The following FNBP4 variants were observed in gnomAD, a reference collection of about 807,000 sequenced individuals.
FNBP4 encodes formin-binding protein 4.
A neutral mutation model predicts 119.3 loss-of-function variants in FNBP4; 34 were observed. The ratio of observed to expected loss-of-function variants is 0.28; its 90% confidence interval spans 0.22 to 0.38. FNBP4 has a LOEUF of 0.38. Among genes scored for constraint, FNBP4 ranks in the 10% least tolerant of loss-of-function variants. The probability of loss-of-function intolerance (pLI) is 1.00; values close to 1 mark genes in which losing one functional copy is unlikely to be tolerated. For synonymous variants in FNBP4, 462 were observed against 430.6 expected (o/e 1.07, Z -0.90); for missense variants, 1,112 against 1,228.9 (o/e 0.90, Z 1.42).
At chr11:47,764,140 G>C (rs2135294017) in intron 2 of FNBP4, among the ~76,000 whole-genome samples, 1 of 152,286 alleles carries the variant, frequency 6.6e-6, no homozygotes, top group South Asian at 2.1e-4. Flanking sequence ...ATTTGAGACA[G>C]GTTCTTACGG....
At position 47,761,646 on chromosome 11, in the gene FNBP4, G is replaced by A. The variant is rs563289877; in HGVS notation, c.313+3624C>T. Among the ~76,000 whole-genome samples, 7 of 151,990 alleles carry A rather than the reference G, an allele frequency of 4.6e-5. No homozygotes were observed. The East Asian group carries it at 5.8e-4, about 13-fold the overall frequency. ...GAAACAAAATCAACAGGATGGTCAC[G>A]GTGGCTCACATCTATAATCCTAGCA... On this transcript the variant is annotated intron_variant, in intron 2 of 16. Coordinates refer to ENST00000263773, the MANE Select transcript of FNBP4 (RefSeq NM_015308.5).
chr11:47,729,813 A>G, intron 12 of FNBP4: 1 of 985,344 alleles, frequency 1.0e-6, no homozygotes, highest in Non-Finnish European at 1.2e-6. Flanking sequence ...ACTGTTGATT[A>G]TTGCTCTTAA....
intron 2 of FNBP4, among the ~76,000 whole-genome samples, chr11:47,760,770 G>A (rs2097632402): frequency 6.6e-6 from 1 of 151,986 alleles, no homozygotes; most frequent in Admixed American, 6.6e-5. Context: ...TCACCATGTT[G>A]CCAGGCTGGT....
In FNBP4 at chr11:47,744,179, CAATT is replaced by C. The variant is rs757094895; in HGVS notation, c.1246-20_1246-17del. 1.2e-6 allele frequency: 2 copies of C among 1,604,984 alleles called. No homozygotes were observed. Among genetic ancestry groups the C allele is most frequent in the Non-Finnish European group, 1.7e-6 (2 of 1,172,160 alleles). The stretch of plus-strand genomic sequence containing the variant: ...GCAACTCTGCCTACAAAGAACATGA[CAATT>C]AAGTTAGTGTCATTAACTGCTTATT... On this transcript the variant is annotated splice_polypyrimidine_tract_variant and intron_variant, in intron 7 of 16. Transcript: ENST00000263773.
chr11:47,741,527 A>G (rs1016995420), intron 8 of FNBP4, among the ~76,000 whole-genome samples: 1 of 151,792 alleles, frequency 6.6e-6, no homozygotes, highest in Non-Finnish European at 1.5e-5. Flanking sequence ...TTCTAAGAAT[A>G]TACCACAGGG....
chr11:47,764,909 C>G (rs1039032568), intron 2 of FNBP4, among the ~76,000 whole-genome samples: 5 of 152,106 alleles, frequency 3.3e-5, no homozygotes, highest in African/African-American at 1.2e-4. Context: ...AGATCAATTT[C>G]CAGGTCCACC....
intron 3 of FNBP4, among the ~76,000 whole-genome samples, chr11:47,753,462 T>C (rs2097608613): frequency 6.6e-6 from 1 of 151,946 alleles, no homozygotes; most frequent in Non-Finnish European, 1.5e-5. Flanking sequence ...AATACAAAAA[T>C]TAGCTGGATG....
Position 47,746,414 on chromosome 11 carries a change from TTA to T in FNBP4, c.907-22_907-21del, listed in dbSNP as rs1299650490. The T allele has an allele frequency of 6.5e-7, 1 of 1,547,020 alleles. No individual in the cohort carries two copies. Among genetic ancestry groups the T allele is most frequent in the Non-Finnish European group, 8.7e-7 (1 of 1,148,234 alleles). The stretch of plus-strand genomic sequence containing the variant: ...TACTTCCTATAAAGAACAAAATAAT[TTA>T]GTCTCATTTAATTCTGAAACAAATC... On this transcript the variant is annotated intron_variant, in intron 6 of 16. Coordinates refer to ENST00000263773, the MANE Select transcript of FNBP4 (RefSeq NM_015308.5).
At position 47,766,815 on chromosome 11, in the gene FNBP4, G is replaced by C. The variant is rs376124025; in HGVS notation, c.220+254C>G. Among the ~76,000 whole-genome samples, 25 of 152,260 alleles carry C rather than the reference G, an allele frequency of 1.6e-4. 7 individuals carry two copies. Among genetic ancestry groups the C allele is most frequent in the East Asian group, 3.9e-4 (2 of 5,166 alleles). On this transcript the variant is annotated intron_variant, in intron 1 of 16. Coordinates refer to ENST00000263773, the MANE Select transcript of FNBP4 (RefSeq NM_015308.5). ...GGAGACTCAGGATGCCCGAACTTCG[G>C]TCATATTTCAAACGTTCCCGGGGCA...
At chr11:47,765,814 C>G (rs1423900067) in intron 1 of FNBP4, among the ~76,000 whole-genome samples, 1 of 145,250 alleles carries the variant, frequency 6.9e-6, no homozygotes, top group Non-Finnish European at 1.5e-5. Context: ...TTTCATTGAC[C>G]CAAATAATTG....
chr11:47,756,163 T>C (rs1397542581), intron 2 of FNBP4, among the ~76,000 whole-genome samples: 1 of 152,150 alleles, frequency 6.6e-6, no homozygotes, highest in Non-Finnish European at 1.5e-5. Context: ...GTATCAGGTA[T>C]GGCCTCTGTA....
At chr11:47,736,242 G>A (rs1232246489) in intron 9 of FNBP4, among the ~76,000 whole-genome samples, 2 of 72,678 alleles carry the variant, frequency 2.8e-5, no homozygotes, top group Non-Finnish European at 5.7e-5. Context: ...CTCTCTCTTG[G>A]GAAAAAAAAA....
Position 47,732,250 on chromosome 11 carries a change from T to A in FNBP4, c.1820+287A>T. The A allele has an allele frequency of 8.2e-7, 1 of 1,221,052 alleles. No individual in the cohort carries two copies. The highest frequency in any genetic ancestry group is 1.0e-6 in the Non-Finnish European group (1 of 974,090). 75.6% of individuals were successfully genotyped at this position (1,221,052 alleles called of 1,614,324 possible). On this transcript the variant is annotated intron_variant, in intron 11 of 16. Transcript: ENST00000263773. The surrounding 1 kb of genome is among the most constrained non-coding windows in gnomAD (Gnocchi z 4.2). ...AAGCGCACAGAGCTCTCGCATGCGC[T>A]TAACCCCCAAGCCCGCCCTACTCCG...
At chr11:47,764,149 G>A (rs2097641884) in intron 2 of FNBP4, among the ~76,000 whole-genome samples, 1 of 151,000 alleles carries the variant, frequency 6.6e-6, no homozygotes, top group African/African-American at 2.4e-5. Context: ...AGGTTCTTAC[G>A]GTCGCCCAGG....
chr11:47,731,176 G>C (rs1342525515), intron 12 of FNBP4, 198 bp downstream of exon 12: 1 of 458,230 alleles, frequency 2.2e-6, no homozygotes, highest in Non-Finnish European at 3.6e-6. Flanking sequence ...TCACTTTGGG[G>C]CACAGTTTTA....
chr11:47,721,329 C>T (rs1412127422), intron 15 of FNBP4, among the ~76,000 whole-genome samples: 1 of 151,656 alleles, frequency 6.6e-6, no homozygotes, highest in African/African-American at 2.4e-5. Context: ...TGGTGGGTCA[C>T]ACCTGTAATC....
chr11:47,766,782 G>A (rs1468226351), intron 1 of FNBP4, among the ~76,000 whole-genome samples: 4 of 152,228 alleles, frequency 2.6e-5, no homozygotes, highest in Non-Finnish European at 5.9e-5. Flanking sequence ...ACCGACCCGG[G>A]GCGTTTGGGA....
intron 12 of FNBP4, chr11:47,726,469 ATAGAG>A (rs1273263434): frequency 2.7e-5 from 4 of 150,248 alleles, no homozygotes; most frequent in African/African-American, 9.9e-5. Context: ...CTGGTCACGA[ATAGAG>A]TAGTTTTACT....
intron 12 of FNBP4, chr11:47,729,444 T>C: frequency 1.0e-6 from 1 of 985,302 alleles, no homozygotes; most frequent in Non-Finnish European, 1.2e-6. Context: ...TGATTAAAAA[T>C]GACTTAGAAA....
Sources: allele counts gnomAD v4.1 joint callset (sites outside exome capture counted in the v4.1 genomes callset), GRCh38; gene constraint gnomAD v4.1.1; non-coding constraint Gnocchi (gnomAD v3.1); transcripts MANE v1.5; gene names NCBI Gene and HGNC (gene_info 2026-07-23, HGNC 2026-07-21).